COL11A1: variants seen among roughly 807,000 people sequenced by gnomAD.
COL11A1 encodes the protein collagen alpha-1(XI) chain.
COL11A1 carries 74 observed loss-of-function variants against 265.2 expected under a neutral mutation model. The observed-to-expected ratio is 0.28, with a 90% CI of 0.23 to 0.34. COL11A1 has a LOEUF of 0.34. Among genes scored for constraint, COL11A1 ranks in the 10% least tolerant of loss-of-function variants. COL11A1 has a pLI of 1.00. For synonymous variants in COL11A1, 816 were observed against 727.6 expected (o/e 1.12, Z -1.96); for missense variants, 2,165 against 2,263.6 (o/e 0.96, Z 0.88).
intron 1 of COL11A1, among the ~76,000 whole-genome samples, chr1:103,086,422 T>C (rs943032043): frequency 6.6e-6 from 1 of 152,076 alleles, no homozygotes; most frequent in African/African-American, 2.4e-5. Flanking sequence ...TGTTTGTTTG[T>C]TTGTTTGTTT....
intron 54 of COL11A1, among the ~76,000 whole-genome samples, chr1:102,907,483 G>A (rs1386299824): frequency 3.3e-5 from 5 of 151,824 alleles, no homozygotes; most frequent in Admixed American, 6.6e-5. Context: ...CATACCACTC[G>A]TAACAATTGC....
At chr1:103,097,146 T>G (rs576428890) in intron 1 of COL11A1, among the ~76,000 whole-genome samples, 1 of 152,102 alleles carries the variant, frequency 6.6e-6, no homozygotes, top group South Asian at 2.1e-4. Flanking sequence ...CCTAGTTATG[T>G]GTTGATATCG....
At chr1:103,007,814 T>A (rs1665757464) in intron 15 of COL11A1, among the ~76,000 whole-genome samples, 2 of 142,424 alleles carry the variant, frequency 1.4e-5, no homozygotes, top group Non-Finnish European at 3.0e-5. Flanking sequence ...GAGCCAAGAT[T>A]ATGCCACTGC....
At chr1:103,037,014 G>A (rs1668423303) in intron 4 of COL11A1, among the ~76,000 whole-genome samples, 2 of 145,686 alleles carry the variant, frequency 1.4e-5, no homozygotes, top group Admixed American at 6.8e-5. Context: ...ATTGCAAAAG[G>A]ATCTCACTAT....
intron 4 of COL11A1, among the ~76,000 whole-genome samples, chr1:103,041,385 T>A (rs1668797398): frequency 6.6e-6 from 1 of 151,846 alleles, no homozygotes; most frequent in East Asian, 1.9e-4. Context: ...TCCTTTTTTT[T>A]TGGTGCCTGT....
intron 4 of COL11A1, among the ~76,000 whole-genome samples, chr1:103,033,404 C>A (rs1003358824): frequency 2.6e-5 from 4 of 151,900 alleles, no homozygotes; most frequent in African/African-American, 9.7e-5. Flanking sequence ...TTATAGGTTT[C>A]GTTAGTGGTT....
chr1:103,098,535 C>T (rs1440522851), intron 1 of COL11A1, among the ~76,000 whole-genome samples: 6 of 151,818 alleles, frequency 4.0e-5, no homozygotes, highest in Admixed American at 3.9e-4. Context: ...CCCCAGTCCT[C>T]TTGACTTTAT....
chr1:103,049,674 GATGCAGTTTCTT>G (rs1349224766), intron 4 of COL11A1, among the ~76,000 whole-genome samples: 5 of 152,284 alleles, frequency 3.3e-5, no homozygotes, highest in African/African-American at 1.2e-4. Context: ...CTCATTAGTT[GATGCAGTTTCTT>G]CCTAGCCTTG....
At chr1:103,027,408 TATATATATATATATA>T (rs1667618867) in intron 5 of COL11A1, among the ~76,000 whole-genome samples, 1 of 13,032 alleles carries the variant, frequency 7.7e-5, no homozygotes, top group South Asian at 4.2e-3. Flanking sequence ...TATATATATA[TATATATATATATATA>T]TATATATATA....
rs1265943566 is a variant in COL11A1, at chr1:102,965,511, C to T, written c.2892G>A (p.Gly964=). ...TGFQGKTGPP[G]PGGVVGPQGP... ...CCTGTGGTCCAACCACTCCCCCTGG[C>T]CCAGGAGGGCCGGTCTTGCCTTGAA... is the stretch of plus-strand genomic sequence containing the variant. Residue 964 remains glycine (G), a synonymous_variant, in exon 38 of 67, where the codon GGG becomes GGA. Coordinates refer to ENST00000370096, the MANE Select transcript of COL11A1 (RefSeq NM_001854.4). The T allele has an allele frequency of 6.2e-7, 1 of 1,613,478 alleles. No individual in the cohort carries two copies. Among genetic ancestry groups the T allele is most frequent in the African/African-American group, 1.3e-5 (1 of 74,896 alleles).
chr1:103,070,561 G>A (rs997900197), intron 4 of COL11A1, among the ~76,000 whole-genome samples: 1 of 151,802 alleles, frequency 6.6e-6, no homozygotes, highest in Non-Finnish European at 1.5e-5. Context: ...AAGAAGGAAT[G>A]AATTAAAAAA....
intron 41 of COL11A1, among the ~76,000 whole-genome samples, chr1:102,954,013 A>G (rs1189302711): frequency 1.3e-5 from 2 of 152,240 alleles, no homozygotes. Flanking sequence ...ATGAATTACA[A>G]TGACCATAAT....
intron 15 of COL11A1, among the ~76,000 whole-genome samples, chr1:103,007,510 TATAA>T (rs1280968843): frequency 6.6e-6 from 1 of 151,832 alleles, no homozygotes; most frequent in East Asian, 1.9e-4. Context: ...AATTTGAAAA[TATAA>T]ATAATTTTTA....
intron 4 of COL11A1, among the ~76,000 whole-genome samples, chr1:103,074,187 G>T (rs1013664155): frequency 1.3e-5 from 2 of 151,882 alleles, no homozygotes; most frequent in African/African-American, 2.4e-5. Flanking sequence ...TTTATATTTT[G>T]CAATATGATC....
In COL11A1 at chr1:103,026,229, A is replaced by G. The variant is rs1667501988; in HGVS notation, c.884T>C (p.Ile295Thr). The G allele has an allele frequency of 1.9e-6, 3 of 1,611,514 alleles. No individual in the cohort carries two copies. In the East Asian group the frequency reaches 6.7e-5, roughly 36 times the overall value. The change falls in exon 6 of 67, where the codon ATA becomes ACA. Residue 295 changes from isoleucine (I) to threonine (T), a missense_variant. Coordinates refer to ENST00000370096, the MANE Select transcript of COL11A1 (RefSeq NM_001854.4). ...CTTTGTTTTTACCTCCGTCTGTGCT[A>G]TTGTCTCCTCAGTTACAGTGGGTCC... Reference protein sequence around the residue: ...TEGPTVTEETIAQTEANIVDD... With the variant: ...TEGPTVTEETTAQTEANIVDD...
intron 54 of COL11A1, among the ~76,000 whole-genome samples, chr1:102,901,777 ATCT>A (rs1186004162): frequency 3.3e-5 from 5 of 152,152 alleles, no homozygotes; most frequent in African/African-American, 1.2e-4. Context: ...ATCTAATATA[ATCT>A]TCTTTTCACT....
intron 16 of COL11A1, 52 bp downstream of exon 16, chr1:103,006,210 A>AAATAAATAAATAAAT: frequency 1.9e-6 from 1 of 517,604 alleles, no homozygotes; most frequent in Non-Finnish European, 3.0e-6. Flanking sequence ...AATAAATAAA[A>AAATAAATAAATAAAT]CTAATGATCA....
intron 7 of COL11A1, 144 bp downstream of exon 7, chr1:103,025,377 T>C (rs1464053476): frequency 1.7e-5 from 12 of 692,832 alleles, no homozygotes; most frequent in African/African-American, 1.4e-4. Context: ...TAGTGAACCA[T>C]TGCTATTGTT....
At chr1:102,927,627 C>G (rs538384692) in intron 46 of COL11A1, among the ~76,000 whole-genome samples, 23 of 151,502 alleles carry the variant, frequency 1.5e-4, no homozygotes, top group Admixed American at 1.5e-3. Context: ...TGGGTGACAG[C>G]GTGAGACGCC....
Sources: allele counts gnomAD v4.1 joint callset (sites outside exome capture counted in the v4.1 genomes callset), GRCh38; gene constraint gnomAD v4.1.1; transcripts MANE v1.5; gene names NCBI Gene and HGNC (gene_info 2026-07-23, HGNC 2026-07-21).